Variants in KCNJ14 observed in about 807,000 individuals in gnomAD.
The protein encoded by KCNJ14 is potassium inwardly rectifying channel subfamily J member 14.
Under a neutral mutation model 24.5 loss-of-function variants are expected in KCNJ14, and 18 were observed. The ratio of observed to expected loss-of-function variants is 0.74; its 90% CI spans 0.51 to 1.09. The LOEUF (loss-of-function observed/expected upper bound fraction) is 1.09. Among genes scored for constraint, KCNJ14 ranks in the 50% least tolerant of loss-of-function variants. The probability of loss-of-function intolerance (pLI) is 0.00; values close to 1 mark genes in which losing one functional copy is unlikely to be tolerated. For missense variants in KCNJ14, 633 were observed against 623.0 expected, an observed-to-expected ratio of 1.02 and a Z score of -0.17; for synonymous variants, 288 against 270.8, an observed-to-expected ratio of 1.06 and a Z score of -0.63.
chr19:48,462,518 G>A lies in KCNJ14; in HGVS notation c.714+80G>A, dbSNP rs910348537. 4 of 1,144,986 alleles carry A rather than the reference G, an allele frequency of 3.5e-6. No individual in the cohort carries two copies. The African/African-American group carries it at 6.3e-5, about 18-fold the overall frequency. 70.9% of individuals were successfully genotyped at this position (1,144,986 alleles called of 1,614,324 possible). A position where few individuals can be genotyped will look rare whatever the true frequency, so the allele number is the denominator to read the frequency against. ...ATGTAGGCCCGAGGGCGAGGGGCGT[G>A]CGGTCCTGGAGGGGGCGTGGACTAC... is the stretch of plus-strand genomic sequence containing the variant. On this transcript the variant is annotated intron_variant, in intron 2 of 2. Coordinates refer to ENST00000342291, the MANE Select transcript of KCNJ14 (RefSeq NM_013348.4). The surrounding 1 kb of genome is among the most constrained non-coding windows in gnomAD (Gnocchi z 4.9).
rs1971658568 is a variant in KCNJ14 at position 48,466,848 on chromosome 19, A to G, written c.*2071A>G. 1 of 152,266 alleles carries G rather than the reference A, an allele frequency of 6.6e-6. No individual in the cohort carries two copies. Among genetic ancestry groups the G allele is most frequent in the African/African-American group, 2.4e-5 (1 of 41,442 alleles). The allele number at this position is 152,266 out of a possible 1,614,324, so 9.4% of individuals were successfully genotyped here. A position where few individuals can be genotyped will look rare whatever the true frequency, so the allele number is the denominator to read the frequency against. ...GGCGTGGGCTGTGGCTAACAGCCAG[A>G]GTCACTTCCCTGGCCTAGCTTGGGG... On this transcript the variant is annotated 3_prime_UTR_variant, in exon 3 of 3. Transcript: ENST00000342291.
rs1242728149 is a variant in KCNJ14, at chr19:48,461,881, G to C, written c.157G>C (p.Val53Leu). The C allele has an allele frequency of 6.3e-7, 1 of 1,592,386 alleles. No homozygotes were observed. The highest frequency in any genetic ancestry group is 1.3e-5 in the African/African-American group (1 of 74,432). ...SPVGRRRGRF[V>L]KKDGHCNVRF... ...CGTGGGCCGGCGCCGCGGTCGCTTC[G>C]TCAAGAAAGACGGGCACTGCAACGT... Residue 53 changes from valine (V) to leucine (L), a missense_variant, in exon 2 of 3, where the codon GTC becomes CTC. Physicochemically the swap from Val to Leu is conservative, Grantham distance 32. Coordinates refer to ENST00000342291, the MANE Select transcript of KCNJ14 (RefSeq NM_013348.4).
In KCNJ14 at chr19:48,465,107, G is replaced by A. The variant is rs1023275022; in HGVS notation, c.*330G>A. 7 of 306,502 alleles carry A rather than the reference G, an allele frequency of 2.3e-5. No individual in the cohort carries two copies. The highest frequency in any genetic ancestry group is 4.3e-5 in the Non-Finnish European group (7 of 163,730). 19.0% of individuals were successfully genotyped at this position (306,502 alleles called of 1,614,324 possible). Reference sequence around the variant, plus strand: ...CCTGGATTGTTGACCAGGGTGAGAAGCCAATGGTATAGACTGCCTCTGGGG... The same window carrying A: ...CCTGGATTGTTGACCAGGGTGAGAAACCAATGGTATAGACTGCCTCTGGGG... On this transcript the variant is annotated 3_prime_UTR_variant, in exon 3 of 3. Coordinates refer to ENST00000342291, the MANE Select transcript of KCNJ14 (RefSeq NM_013348.4).
chr19:48,462,416 A>G lies in KCNJ14; in HGVS notation c.692A>G (p.His231Arg). The G allele has an allele frequency of 6.7e-7, 1 of 1,495,342 alleles. No homozygotes were observed. The highest frequency in any genetic ancestry group is 2.2e-5 in the Admixed American group (1 of 45,692). The allele number at this position is 1,495,342 out of a possible 1,614,324, so 92.6% of individuals were successfully genotyped here. A position where few individuals can be genotyped will look rare whatever the true frequency, so the allele number is the denominator to read the frequency against. Residue 231 changes from histidine to arginine, a missense_variant, in exon 2 of 3, where the codon CAC becomes CGC. Coordinates refer to ENST00000342291, the MANE Select transcript of KCNJ14 (RefSeq NM_013348.4). This position sits in a 1 kb window ranked among gnomAD's most constrained non-coding sequence, Gnocchi z 4.9. ...CGCCGCAGCCACCTGGTCGAGGCCC[A>G]CGTGCGTGCCCAGCTGCTGCAGGTG... is the stretch of plus-strand genomic sequence containing the variant. Reference protein sequence around the residue: ...NLRRSHLVEAHVRAQLLQPRV... With the variant: ...NLRRSHLVEARVRAQLLQPRV...
chr19:48,463,400 G>C (rs1971621927), intron 2 of KCNJ14, among the ~76,000 whole-genome samples: 1 of 152,134 alleles, frequency 6.6e-6, no homozygotes, highest in Non-Finnish European at 1.5e-5. Context: ...CTGAAGCTTT[G>C]AGATACCAGG....
At chr19:48,458,376 T>G (rs1971559008) in intron 1 of KCNJ14, among the ~76,000 whole-genome samples, 1 of 152,210 alleles carries the variant, frequency 6.6e-6, no homozygotes, top group Admixed American at 6.5e-5. Context: ...CCATTCTAAG[T>G]GGGTGCAAAA....
In KCNJ14 at chr19:48,466,406, A is replaced by G. The variant is rs1042189803; in HGVS notation, c.*1629A>G. 1 of 151,580 alleles carries G rather than the reference A, an allele frequency of 6.6e-6. No individual in the cohort carries two copies. The highest frequency in any genetic ancestry group is 2.4e-5 in the African/African-American group (1 of 41,294). The allele number at this position is 151,580 out of a possible 1,614,324, so 9.4% of individuals were successfully genotyped here. On this transcript the variant is annotated 3_prime_UTR_variant, in exon 3 of 3. Coordinates refer to ENST00000342291, the MANE Select transcript of KCNJ14 (RefSeq NM_013348.4). ...TGTGTCTGTTTCTTAAAGATATTAT[A>G]CATATGTATATTATATATATGTAAT...
chr19:48,456,861 A>G (rs1971544791), intron 1 of KCNJ14: 1 of 151,274 alleles, frequency 6.6e-6, no homozygotes, highest in Non-Finnish European at 1.5e-5. Flanking sequence ...TTAATTATTT[A>G]TTTATTTTTT....
rs1394279350 is a variant in KCNJ14 at position 48,455,764 on chromosome 19, C to CG, written c.-145dup. The CG allele has an allele frequency of 6.6e-6, 1 of 152,260 alleles. No individual in the cohort carries two copies. The highest frequency in any genetic ancestry group is 1.5e-5 in the Non-Finnish European group (1 of 68,086). 9.4% of individuals were successfully genotyped at this position (152,260 alleles called of 1,614,324 possible). A position where few individuals can be genotyped will look rare whatever the true frequency, so the allele number is the denominator to read the frequency against. On this transcript the variant is annotated 5_prime_UTR_variant, in exon 1 of 3. Transcript: ENST00000342291. ...CCAACCAGCATTCCCCCTGGCACTG[C>CG]GGGGGCCTGGCCAGCTCATGGCGTT...
rs1246221210 is a variant in KCNJ14, at chr19:48,465,835, T to C, written c.*1058T>C. The C allele has an allele frequency of 6.6e-6, 1 of 152,350 alleles. No individual in the cohort carries two copies. Among genetic ancestry groups the C allele is most frequent in the Non-Finnish European group, 1.5e-5 (1 of 67,984 alleles). The allele number at this position is 152,350 out of a possible 1,614,324, so 9.4% of individuals were successfully genotyped here. On this transcript the variant is annotated 3_prime_UTR_variant, in exon 3 of 3. Coordinates refer to ENST00000342291, the MANE Select transcript of KCNJ14 (RefSeq NM_013348.4). ...GAATGAAGGCTCCAGGGATACAGAGTTGTCCATTACCAAAGCCTGGAAGTT... is the reference window on the plus strand; with the variant it reads ...GAATGAAGGCTCCAGGGATACAGAGCTGTCCATTACCAAAGCCTGGAAGTT...
In KCNJ14 at chr19:48,462,305, G is replaced by A. The variant is rs1411744778; in HGVS notation, c.581G>A (p.Arg194His). The change falls in exon 2 of 3, where the codon CGC becomes CAC. Residue 194 changes from arginine to histidine, a missense_variant. Physicochemically the swap from Arg to His is conservative, Grantham distance 29. Transcript: ENST00000342291. The surrounding 1 kb of genome is among the most constrained non-coding windows in gnomAD (Gnocchi z 4.9). ...GCCAAGATGGCCAAACCCAAGAAGC[G>A]CAACGAGACGCTGGTCTTCAGCGAG... ...VMAKMAKPKKRNETLVFSENA... is the reference protein window; with the variant it reads ...VMAKMAKPKKHNETLVFSENA... The A allele has an allele frequency of 3.2e-6, 5 of 1,547,526 alleles. No individual in the cohort carries two copies. In the Admixed American group the frequency reaches 9.8e-5, roughly 30 times the overall value.
At chr19:48,458,782 CA>C (rs1345069038) in intron 1 of KCNJ14, among the ~76,000 whole-genome samples, 7 of 151,736 alleles carry the variant, frequency 4.6e-5, no homozygotes, top group African/African-American at 1.7e-4. Context: ...ACTAAAAATA[CA>C]AAAATTAGCT....
intron 1 of KCNJ14, among the ~76,000 whole-genome samples, chr19:48,459,890 G>A (rs367596429): frequency 2.6e-5 from 4 of 152,068 alleles, no homozygotes; most frequent in African/African-American, 9.7e-5. Context: ...TTAGCCAGGC[G>A]TGGTGGCATG....
At chr19:48,460,252 A>AT (rs899346466) in intron 1 of KCNJ14, among the ~76,000 whole-genome samples, 7 of 150,596 alleles carry the variant, frequency 4.6e-5, no homozygotes, top group Admixed American at 1.3e-4. Context: ...TTATTTATTT[A>AT]TTTTTTTTGA....
rs1258866275 is a variant in KCNJ14, at chr19:48,455,692, G to C, written c.-222G>C. The C allele has an allele frequency of 1.3e-5, 2 of 152,334 alleles. No individual in the cohort carries two copies. The highest frequency in any genetic ancestry group is 4.8e-5 in the African/African-American group (2 of 41,452). The allele number at this position is 152,334 out of a possible 1,614,324, so 9.4% of individuals were successfully genotyped here. A position where few individuals can be genotyped will look rare whatever the true frequency, so the allele number is the denominator to read the frequency against. ...GCCTCACGGGGCTGAGGTGGGACTG[G>C]AGGATTTCGAGGGCAGAACTCTGGG... On this transcript the variant is annotated 5_prime_UTR_variant, in exon 1 of 3. Transcript: ENST00000342291.
intron 1 of KCNJ14, among the ~76,000 whole-genome samples, chr19:48,459,723 G>A (rs1335503703): frequency 4.6e-5 from 7 of 152,092 alleles, no homozygotes; most frequent in South Asian, 2.1e-4. Flanking sequence ...AGTGTCTTTC[G>A]GAGCACAAAA....
Position 48,462,255 on chromosome 19 carries a change from C to T in KCNJ14, c.531C>T (p.Asp177=). 6.5e-7 allele frequency: 1 copy of T among 1,547,156 alleles called. No homozygotes were observed. Among genetic ancestry groups the T allele is most frequent in the South Asian group, 1.2e-5 (1 of 84,182 alleles). ...AGTGCATTGCCGGCTGCGTGCTCGA[C>T]GCCTTCGTCGTGGGTGCTGTCATGG... ...VLQCIAGCVL[D]AFVVGAVMAK... is the part of the protein sequence containing the mutation. Residue 177 remains aspartate (D), a synonymous_variant, in exon 2 of 3, where the codon GAC becomes GAT. Transcript: ENST00000342291. The surrounding 1 kb of genome is among the most constrained non-coding windows in gnomAD (Gnocchi z 4.9).
At position 48,462,445 on chromosome 19, in the gene KCNJ14, C is replaced by A; in HGVS notation, c.714+7C>A. On this transcript the variant is annotated splice_region_variant and intron_variant, in intron 2 of 2. Transcript: ENST00000342291. The surrounding 1 kb of genome is among the most constrained non-coding windows in gnomAD (Gnocchi z 4.9). ...GCGTGCCCAGCTGCTGCAGGTGCGC[C>A]CGGGAGGAGAGGCGGGGACTTCCGT... 4 of 1,460,554 alleles carry A rather than the reference C, an allele frequency of 2.7e-6. No individual in the cohort carries two copies. Among genetic ancestry groups the A allele is most frequent in the Non-Finnish European group, 3.6e-6 (4 of 1,103,338 alleles). 90.5% of individuals were successfully genotyped at this position (1,460,554 alleles called of 1,614,324 possible). A position where few individuals can be genotyped will look rare whatever the true frequency, so the allele number is the denominator to read the frequency against.
At position 48,465,277 on chromosome 19, in the gene KCNJ14, A is replaced by G. The variant is rs1971644163; in HGVS notation, c.*500A>G. ...CTAGACCACCTAAGGAGGGAAGGTT[A>G]TGGAATGCCCCAAGTATTCAAGATC... On this transcript the variant is annotated 3_prime_UTR_variant, in exon 3 of 3. Coordinates refer to ENST00000342291, the MANE Select transcript of KCNJ14 (RefSeq NM_013348.4). 6.4e-6 allele frequency: 1 copy of G among 155,644 alleles called. No homozygotes were observed. The highest frequency in any genetic ancestry group is 1.4e-5 in the Non-Finnish European group (1 of 70,186). 9.6% of individuals were successfully genotyped at this position (155,644 alleles called of 1,614,324 possible).
Sources: allele counts gnomAD v4.1 joint callset (sites outside exome capture counted in the v4.1 genomes callset), GRCh38; gene constraint gnomAD v4.1.1; non-coding constraint Gnocchi (gnomAD v3.1); transcripts MANE v1.5; gene names NCBI Gene and HGNC (gene_info 2026-07-23, HGNC 2026-07-21).